The following ACTR3C variants were observed in gnomAD, a reference collection of about 807,000 sequenced individuals.
The protein encoded by ACTR3C is actin related protein 3C.
In ACTR3C, 18 loss-of-function variants were observed where a neutral mutation model predicts 26.3. The observed-to-expected ratio is 0.68, with a 90% CI of 0.47 to 1.01. ACTR3C has a LOEUF of 1.01. Among genes scored for constraint, ACTR3C ranks in the 50% least tolerant of loss-of-function variants. The probability of loss-of-function intolerance (pLI) is 0.00; values close to 1 mark genes in which losing one functional copy is unlikely to be tolerated. For missense variants in ACTR3C, 184 were observed against 250.7 expected (o/e 0.73, Z 1.80); for synonymous variants, 55 against 94.5 (o/e 0.58, Z 2.42).
At chr7:149,973,458 C>T in the ACTR3C span, among the ~76,000 whole-genome samples, 1 of 152,180 alleles carries the variant, frequency 6.6e-6, no homozygotes, top group African/African-American at 2.4e-5. Flanking sequence ...TCAAATGCTT[C>T]AGAAAGAGCT....
chr7:150,043,864 T>C, the ACTR3C span, among the ~76,000 whole-genome samples: 1 of 152,196 alleles, frequency 6.6e-6, no homozygotes, highest in Non-Finnish European at 1.5e-5. Flanking sequence ...AATCGTAAAG[T>C]TGATAGATCC....
chr7:150,231,623 T>C, the ACTR3C span, among the ~76,000 whole-genome samples: 1 of 151,164 alleles, frequency 6.6e-6, no homozygotes, highest in East Asian at 1.9e-4. Flanking sequence ...TCATGTATTC[T>C]TTTATAGCTA....
At chr7:149,897,716 A>T in the ACTR3C span, among the ~76,000 whole-genome samples, 6 of 152,180 alleles carry the variant, frequency 3.9e-5, no homozygotes, top group Admixed American at 3.9e-4. Flanking sequence ...AAATAAAATA[A>T]AAAATACAAA....
the ACTR3C span, among the ~76,000 whole-genome samples, chr7:150,009,026 C>T: frequency 1.3e-5 from 2 of 152,356 alleles, no homozygotes; most frequent in Non-Finnish European, 2.9e-5. Flanking sequence ...GGTGTTGCCA[C>T]GTGATGGGCC....
intron 1 of ACTR3C, among the ~76,000 whole-genome samples, chr7:150,305,229 C>T (rs1257883224): frequency 1.3e-5 from 2 of 152,194 alleles, no homozygotes; most frequent in African/African-American, 4.8e-5. Flanking sequence ...CGGGCCCTTC[C>T]TGAAGGATTT....
chr7:150,243,565 G>C (rs1418338490), downstream of ACTR3C, among the ~76,000 whole-genome samples: 3 of 151,840 alleles, frequency 2.0e-5, no homozygotes, highest in Non-Finnish European at 4.4e-5. Flanking sequence ...GGTATCCATG[G>C]GGAATTAGTT....
the ACTR3C span, among the ~76,000 whole-genome samples, chr7:150,198,054 C>T: frequency 2.0e-5 from 3 of 151,376 alleles, no homozygotes; most frequent in African/African-American, 4.9e-5. Flanking sequence ...CTGTGTTGGC[C>T]GGGCCGGTCT....
chr7:150,168,328 C>G, the ACTR3C span, among the ~76,000 whole-genome samples: 1 of 150,728 alleles, frequency 6.6e-6, no homozygotes, highest in African/African-American at 2.5e-5. Context: ...CTATTGTGAA[C>G]TGCCTGTGTA....
At chr7:150,193,802 GA>G in the ACTR3C span, among the ~76,000 whole-genome samples, 1 of 151,724 alleles carries the variant, frequency 6.6e-6, no homozygotes. Flanking sequence ...TGTTCTTTCA[GA>G]TTTGGTGAGG....
At chr7:150,198,782 C>T in the ACTR3C span, among the ~76,000 whole-genome samples, 1,439 of 142,782 alleles carry the variant, frequency 0.01, 38 homozygotes, top group East Asian at 0.082. Flanking sequence ...GCCTGGCCAG[C>T]CGTGCCGTCC....
At chr7:149,915,993 T>C in the ACTR3C span, among the ~76,000 whole-genome samples, 2 of 149,998 alleles carry the variant, frequency 1.3e-5, no homozygotes, top group African/African-American at 5.0e-5. Context: ...TAATATAGCT[T>C]GAAAGTGCTT....
the ACTR3C span, among the ~76,000 whole-genome samples, chr7:150,066,555 G>A: frequency 2.6e-5 from 4 of 152,168 alleles, no homozygotes; most frequent in Non-Finnish European, 5.9e-5. Flanking sequence ...CTTGACAACA[G>A]TTGTGTAGAA....
the ACTR3C span, chr7:150,001,800 G>A: frequency 6.6e-6 from 1 of 151,176 alleles, no homozygotes. Flanking sequence ...TGCCTGGAGT[G>A]GAAATTCCTG....
the ACTR3C span, among the ~76,000 whole-genome samples, chr7:150,132,323 A>G: frequency 6.6e-6 from 1 of 152,252 alleles, no homozygotes; most frequent in Non-Finnish European, 1.5e-5. Flanking sequence ...ATATGCTAAA[A>G]ACCAAAATAT....
chr7:150,101,701 G>T, the ACTR3C span, among the ~76,000 whole-genome samples: 2 of 151,876 alleles, frequency 1.3e-5, no homozygotes, highest in South Asian at 4.1e-4. Context: ...TCTCACAGAA[G>T]CTCTTTGGCT....
chr7:149,966,128 C>T, the ACTR3C span, among the ~76,000 whole-genome samples: 1 of 152,170 alleles, frequency 6.6e-6, no homozygotes, highest in South Asian at 2.1e-4. Context: ...GCAGGGGCTA[C>T]TCTTGCTTTA....
intron 6 of ACTR3C, among the ~76,000 whole-genome samples, chr7:150,258,906 T>C (rs1833426898): frequency 2.0e-5 from 3 of 151,938 alleles, no homozygotes; most frequent in Admixed American, 1.3e-4. Flanking sequence ...CAGACAGATA[T>C]GGTATAGTTG....
At chr7:150,222,978 T>C in the ACTR3C span, among the ~76,000 whole-genome samples, 1 of 152,248 alleles carries the variant, frequency 6.6e-6, no homozygotes, top group African/African-American at 2.4e-5. Context: ...AAAATTGTGG[T>C]ATAATGTATA....
At chr7:150,116,744 C>T in the ACTR3C span, among the ~76,000 whole-genome samples, 8 of 152,110 alleles carry the variant, frequency 5.3e-5, no homozygotes, top group African/African-American at 1.7e-4. Flanking sequence ...GTGTTATGGA[C>T]AGAATGGTTG....
Sources: allele counts gnomAD v4.1 joint callset (sites outside exome capture counted in the v4.1 genomes callset), GRCh38; gene constraint gnomAD v4.1.1; transcripts MANE v1.5; gene names NCBI Gene and HGNC (gene_info 2026-07-23, HGNC 2026-07-21).